BUB1B: variants seen among roughly 807,000 people sequenced by gnomAD.
BUB1B encodes the protein mitotic checkpoint serine/threonine-protein kinase BUB1 beta.
BUB1B carries 86 observed loss-of-function variants against 137.7 expected under a neutral mutation model. The ratio of observed to expected loss-of-function variants is 0.62; its 90% CI spans 0.52 to 0.75. The LOEUF is 0.75. BUB1B is among the 30% of genes least tolerant of loss of function. The probability of loss-of-function intolerance (pLI) is 0.00; values close to 1 mark genes in which losing one functional copy is unlikely to be tolerated. For synonymous variants in BUB1B, 420 were observed against 417.9 expected (o/e 1.00, Z -0.06); for missense variants, 1,130 against 1,236.9 (o/e 0.91, Z 1.30).
chr15:40,212,692 G>C, intron 19 of BUB1B, 44 bp downstream of exon 19: 1 of 1,574,808 alleles, frequency 6.3e-7, no homozygotes, highest in East Asian at 2.2e-5. Context: ...GAAGTAGAGA[G>C]ATTTGTGCTC....
At chr15:40,172,057 T>C (rs1268469873) in intron 4 of BUB1B, among the ~76,000 whole-genome samples, 2 of 151,706 alleles carry the variant, frequency 1.3e-5, no homozygotes, top group East Asian at 3.9e-4. Flanking sequence ...ATAAGATTTC[T>C]TAATAAAATA....
chr15:40,178,061 G>A (rs1339860451), intron 5 of BUB1B, among the ~76,000 whole-genome samples: 1 of 144,006 alleles, frequency 6.9e-6, no homozygotes, highest in Non-Finnish European at 1.5e-5. Context: ...TTCTCTTAAT[G>A]ATTTTCTGTT....
At chr15:40,166,261 A>G in intron 2 of BUB1B, 1 of 362,716 alleles carries the variant, frequency 2.8e-6, no homozygotes, top group Non-Finnish European at 5.3e-6. Context: ...AGATTCTTCC[A>G]GTTTTGTGCT....
intron 19 of BUB1B, among the ~76,000 whole-genome samples, chr15:40,212,936 G>A (rs1013411169): frequency 6.6e-6 from 1 of 152,032 alleles, no homozygotes; most frequent in Non-Finnish European, 1.5e-5. Context: ...TCTTGTTTTA[G>A]CTATACTACC....
chr15:40,213,226 A>G lies in BUB1B; in HGVS notation c.2536-106A>G, dbSNP rs1404183827. 5 of 1,253,560 alleles carry G rather than the reference A, an allele frequency of 4.0e-6. No homozygotes were observed. The African/African-American group carries it at 4.5e-5, about 11-fold the overall frequency. 77.7% of individuals were successfully genotyped at this position (1,253,560 alleles called of 1,614,324 possible). Reference sequence around the variant, plus strand: ...CAGTCTACAGAGGTGCCTACGTTCCAGTAGAGAACAAGGAAGACTACAAAC... The same window carrying G: ...CAGTCTACAGAGGTGCCTACGTTCCGGTAGAGAACAAGGAAGACTACAAAC... On this transcript the variant is annotated intron_variant, in intron 19 of 22. Transcript: ENST00000287598.
chr15:40,163,952 C>T (rs2037066473), intron 1 of BUB1B, among the ~76,000 whole-genome samples: 1 of 152,180 alleles, frequency 6.6e-6, no homozygotes, highest in Non-Finnish European at 1.5e-5. Flanking sequence ...CAATGTGTCT[C>T]TCTTTTTGTT....
At chr15:40,172,665 ATATGTGAACC>A (rs1200731890) in intron 4 of BUB1B, among the ~76,000 whole-genome samples, 2 of 150,352 alleles carry the variant, frequency 1.3e-5, no homozygotes, top group African/African-American at 5.0e-5. Flanking sequence ...GAAAATCTGT[ATATGTGAACC>A]TATGCAGTTC....
At chr15:40,172,661 C>CTG (rs10662530) in intron 4 of BUB1B, among the ~76,000 whole-genome samples, 9,053 of 152,110 alleles carry the variant, frequency 0.06, 880 homozygotes, top group African/African-American at 0.21. Flanking sequence ...GGAAGAAAAT[C>CTG]TGTATATGTG....
intron 14 of BUB1B, among the ~76,000 whole-genome samples, chr15:40,204,625 G>GTA (rs1025855790): frequency 2.7e-5 from 4 of 150,750 alleles, no homozygotes; most frequent in South Asian, 4.2e-4. Context: ...ACATATATAT[G>GTA]TATATATATA....
rs1034028990 is a variant in BUB1B at position 40,169,951 on chromosome 15, A to G, written c.180-111A>G. On this transcript the variant is annotated intron_variant, in intron 2 of 22. Coordinates refer to ENST00000287598, the MANE Select transcript of BUB1B (RefSeq NM_001211.6). ...TAACAAACCCATAAACTCTAGTGCA[A>G]TAATTTAGATCAATATTACCTACTT... The G allele has an allele frequency of 4.2e-6, 4 of 943,274 alleles. No individual in the cohort carries two copies. In the African/African-American group the frequency reaches 6.5e-5, roughly 15 times the overall value. 58.4% of individuals were successfully genotyped at this position (943,274 alleles called of 1,614,324 possible).
At chr15:40,163,812 G>GTAAAATTGGTTTTGT (rs1453752158) in intron 1 of BUB1B, among the ~76,000 whole-genome samples, 2 of 152,176 alleles carry the variant, frequency 1.3e-5, no homozygotes, top group Non-Finnish European at 2.9e-5. Flanking sequence ...TCAGCCTGTG[G>GTAAAATTGGTTTTGT]TAAAATTGGT....
Position 40,217,320 on chromosome 15 carries a change from A to G in BUB1B, c.2679-176A>G, listed in dbSNP as rs141553087. The G allele has an allele frequency of 2.3e-3, 1,535 of 654,682 alleles. 24 individuals are homozygous for G. The Admixed American group carries it at 0.027, about 12-fold the overall frequency. 40.6% of individuals were successfully genotyped at this position (654,682 alleles called of 1,614,324 possible). ...ACCAAAGTGGTGACATTCCTTCCGC[A>G]TTGGGTGGACACTGCCACTGCTCTG... On this transcript the variant is annotated intron_variant, in intron 20 of 22. Coordinates refer to ENST00000287598, the MANE Select transcript of BUB1B (RefSeq NM_001211.6).
At chr15:40,188,013 A>G (rs1408594630) in intron 8 of BUB1B, among the ~76,000 whole-genome samples, 1 of 152,258 alleles carries the variant, frequency 6.6e-6, no homozygotes. Context: ...TTGTAGAAAC[A>G]TGACTTATGT....
intron 9 of BUB1B, among the ~76,000 whole-genome samples, chr15:40,197,624 T>G (rs1352268788): frequency 1.3e-5 from 2 of 152,222 alleles, no homozygotes; most frequent in African/African-American, 2.4e-5. Flanking sequence ...GGATGTGGTG[T>G]TTGTGGGGTT....
chr15:40,204,666 T>G (rs2037614983), intron 14 of BUB1B, among the ~76,000 whole-genome samples: 1 of 151,922 alleles, frequency 6.6e-6, no homozygotes, highest in Non-Finnish European at 1.5e-5. Context: ...AGACAGGGCC[T>G]CGCTCTGTCA....
At chr15:40,202,245 A>G in intron 12 of BUB1B, 160 bp from the exon 13 acceptor site, 1 of 659,226 alleles carries the variant, frequency 1.5e-6, no homozygotes, top group Non-Finnish European at 2.6e-6. Context: ...TAATTGGTAA[A>G]TTGTTTAATG....
chr15:40,193,185 G>A (rs1306787564), intron 8 of BUB1B, among the ~76,000 whole-genome samples: 2 of 152,106 alleles, frequency 1.3e-5, no homozygotes, highest in Non-Finnish European at 2.9e-5. Flanking sequence ...CAACTCATTT[G>A]GCTGGATTGT....
At chr15:40,214,480 T>A (rs1595536007) in intron 20 of BUB1B, among the ~76,000 whole-genome samples, 1 of 152,234 alleles carries the variant, frequency 6.6e-6, no homozygotes. Context: ...ATGCTGTGTC[T>A]GCCCAACCCT....
At chr15:40,178,060 T>C (rs1011782225) in intron 5 of BUB1B, among the ~76,000 whole-genome samples, 1 of 151,506 alleles carries the variant, frequency 6.6e-6, no homozygotes, top group Non-Finnish European at 1.5e-5. Flanking sequence ...TTTCTCTTAA[T>C]GATTTTCTGT....
Sources: allele counts gnomAD v4.1 joint callset (sites outside exome capture counted in the v4.1 genomes callset), GRCh38; gene constraint gnomAD v4.1.1; transcripts MANE v1.5; gene names NCBI Gene and HGNC (gene_info 2026-07-23, HGNC 2026-07-21).